CFAP299: variants seen among roughly 807,000 people sequenced by gnomAD.
The protein encoded by CFAP299 is cilia and flagella associated protein 299.
In CFAP299, 21 loss-of-function variants were observed where a neutral mutation model predicts 27.0. The observed-to-expected ratio is 0.78, with a 90% confidence interval of 0.55 to 1.12. The LOEUF is 1.12. CFAP299 is among the 50% of genes most tolerant of loss of function. The pLI, the probability that CFAP299 is intolerant of heterozygous loss-of-function variation, is 0.00. For synonymous variants in CFAP299, 104 were observed against 98.1 expected, an observed-to-expected ratio of 1.06 and a Z score of -0.36; for missense variants, 310 against 276.6, an observed-to-expected ratio of 1.12 and a Z score of -0.86.
chr4:80,744,378 G>A (rs1323146122), intron 3 of CFAP299, among the ~76,000 whole-genome samples: 1 of 122,712 alleles, frequency 8.1e-6, no homozygotes, highest in Non-Finnish European at 1.6e-5. Flanking sequence ...AGCCAGCCCA[G>A]AAGTGTTTTT....
At chr4:80,339,573 A>G (rs1722338457) in intron 1 of CFAP299, among the ~76,000 whole-genome samples, 1 of 152,234 alleles carries the variant, frequency 6.6e-6, no homozygotes, top group Non-Finnish European at 1.5e-5. Context: ...TGCTATGTAC[A>G]CTGTGCTTTG....
chr4:80,707,067 T>C (rs1188600095), intron 3 of CFAP299, among the ~76,000 whole-genome samples: 1 of 151,978 alleles, frequency 6.6e-6, no homozygotes, highest in South Asian at 2.1e-4. Flanking sequence ...AAGTGCTTTT[T>C]CTGAAAATAA....
At chr4:80,883,966 G>C (rs1175915332) in intron 4 of CFAP299, among the ~76,000 whole-genome samples, 1 of 152,074 alleles carries the variant, frequency 6.6e-6, no homozygotes, top group Non-Finnish European at 1.5e-5. Context: ...CATCACCCAG[G>C]TATTAGGCCT....
intron 4 of CFAP299, among the ~76,000 whole-genome samples, chr4:80,922,504 T>A (rs1411640285): frequency 1.3e-5 from 2 of 152,006 alleles, no homozygotes; most frequent in African/African-American, 4.8e-5. Context: ...TCAAGGACAG[T>A]CTGTTTTTCA....
rs75217331 is a variant in CFAP299 at position 80,393,919 on chromosome 4, C to A, written c.242+31035C>A. Among the ~76,000 whole-genome samples the A allele has an allele frequency of 4.4e-3, 672 of 152,210 alleles. 6 individuals carry two copies. The highest frequency in any genetic ancestry group is 0.016 in the African/African-American group (650 of 41,536). ...AGTGGGATTGATCTTGACACGTGAT[C>A]CCCACATGTCAAGAGTGGTGGGAGG... On this transcript the variant is annotated intron_variant, in intron 2 of 5. Transcript: ENST00000358105.
chr4:80,697,261 G>A (rs141859544), intron 3 of CFAP299, among the ~76,000 whole-genome samples: 110 of 152,024 alleles, frequency 7.2e-4, no homozygotes, highest in African/African-American at 2.5e-3. Flanking sequence ...TGTTAAATAA[G>A]GCCTTAAAGG....
intron 3 of CFAP299, among the ~76,000 whole-genome samples, chr4:80,634,116 AG>A (rs577344952): frequency 1.1e-3 from 173 of 151,126 alleles, no homozygotes; most frequent in African/African-American, 3.9e-3. Context: ...CCAGAGTAGC[AG>A]GGACTACAGT....
chr4:80,520,970 T>C (rs1041414235), intron 2 of CFAP299, among the ~76,000 whole-genome samples: 5 of 152,020 alleles, frequency 3.3e-5, no homozygotes, highest in African/African-American at 4.8e-5. Context: ...GAGTACATGG[T>C]GGGGGCACAA....
chr4:80,789,628 C>T (rs1560752676), intron 3 of CFAP299, among the ~76,000 whole-genome samples: 1 of 151,928 alleles, frequency 6.6e-6, no homozygotes, highest in Non-Finnish European at 1.5e-5. Context: ...AGTATTTTGA[C>T]ACGTATTTAT....
Position 80,928,023 on chromosome 4 carries a change from T to G in CFAP299, c.477-16787T>G, listed in dbSNP as rs115551668. ...CCACCAAAGTAAATTCCTGTCCACT[T>G]AAGAAAGTTACTTTAATGACCTGGT... On this transcript the variant is annotated intron_variant, in intron 4 of 5. Transcript: ENST00000358105. Among the ~76,000 whole-genome samples, 361 of 152,226 alleles carry G rather than the reference T, an allele frequency of 2.4e-3. 4 individuals are homozygous for G. Among genetic ancestry groups the G allele is most frequent in the South Asian group, 0.013 (62 of 4,824 alleles).
intron 3 of CFAP299, among the ~76,000 whole-genome samples, chr4:80,703,008 C>A (rs975016353): frequency 6.6e-6 from 1 of 151,804 alleles, no homozygotes; most frequent in Non-Finnish European, 1.5e-5. Context: ...TTACTTGAGT[C>A]TATTTCAACT....
intron 3 of CFAP299, among the ~76,000 whole-genome samples, chr4:80,804,434 G>A (rs1439507266): frequency 6.6e-6 from 1 of 152,088 alleles, no homozygotes; most frequent in African/African-American, 2.4e-5. Context: ...GTGCATTAAT[G>A]TTGTAACATG....
intron 1 of CFAP299, among the ~76,000 whole-genome samples, chr4:80,340,185 A>G (rs1722374601): frequency 6.6e-6 from 1 of 152,218 alleles, no homozygotes. Context: ...ATAATGAAGA[A>G]AAGCAGGGTG....
At chr4:80,602,525 C>CAA (rs1299051032) in intron 3 of CFAP299, among the ~76,000 whole-genome samples, 2 of 151,974 alleles carry the variant, frequency 1.3e-5, no homozygotes, top group Non-Finnish European at 1.5e-5. Flanking sequence ...GAAAGGAGAC[C>CAA]AAATAATAGA....
At chr4:80,698,721 C>A (rs1356287841) in intron 3 of CFAP299, among the ~76,000 whole-genome samples, 5 of 152,182 alleles carry the variant, frequency 3.3e-5, no homozygotes, top group African/African-American at 1.2e-4. Flanking sequence ...AGGAAACTTA[C>A]AGTCATGGTG....
At chr4:80,386,728 G>A (rs1357738383) in intron 2 of CFAP299, 5 of 1,554,792 alleles carry the variant, frequency 3.2e-6, no homozygotes, top group Non-Finnish European at 3.5e-6. Flanking sequence ...GCTTCATGCC[G>A]GAGTGGGAGA....
intron 4 of CFAP299, among the ~76,000 whole-genome samples, chr4:80,919,466 T>A (rs1268943291): frequency 6.6e-6 from 1 of 152,152 alleles, no homozygotes; most frequent in Non-Finnish European, 1.5e-5. Context: ...TCTATTATAG[T>A]TTCAGGCTAT....
intron 4 of CFAP299, among the ~76,000 whole-genome samples, chr4:80,940,031 C>T (rs371736690): frequency 1.3e-5 from 2 of 152,142 alleles, no homozygotes; most frequent in Non-Finnish European, 2.9e-5. Context: ...GGCTGCTGAT[C>T]TACATGCACT....
intron 3 of CFAP299, among the ~76,000 whole-genome samples, chr4:80,777,271 T>C (rs1156830828): frequency 1.3e-5 from 2 of 152,102 alleles, no homozygotes; most frequent in Non-Finnish European, 2.9e-5. Context: ...GATACAATAT[T>C]TGCTACATTC....
Sources: gnomAD v4.1 joint callset for allele counts (sites outside exome capture counted in the v4.1 genomes callset) on GRCh38, gnomAD v4.1.1 for gene constraint, MANE v1.5 for transcripts, NCBI Gene and HGNC (gene_info 2026-07-23, HGNC 2026-07-21) for gene names.